Variants in CNTNAP5 observed in about 807,000 individuals in gnomAD.
CNTNAP5 encodes contactin-associated protein-like 5.
A neutral mutation model predicts 150.2 loss-of-function variants in CNTNAP5; 72 were observed. That is an observed-to-expected ratio of 0.48 (90% confidence interval 0.40 to 0.58). The LOEUF (loss-of-function observed/expected upper bound fraction) is 0.58. CNTNAP5 is among the 20% of genes least tolerant of loss of function. The pLI, the probability that CNTNAP5 is intolerant of heterozygous loss-of-function variation, is 0.00. For missense variants in CNTNAP5, 1,636 were observed against 1,626.2 expected (o/e 1.01, Z -0.10); for synonymous variants, 672 against 619.8 (o/e 1.08, Z -1.25).
intron 1 of CNTNAP5, among the ~76,000 whole-genome samples, chr2:124,135,613 C>T (rs1683957118): frequency 6.6e-6 from 1 of 152,172 alleles, no homozygotes; most frequent in African/African-American, 2.4e-5. Flanking sequence ...TACTCTGCCT[C>T]CCCTTGTGGA....
chr2:124,846,700 C>T (rs1022751684), intron 19 of CNTNAP5, among the ~76,000 whole-genome samples: 4 of 152,124 alleles, frequency 2.6e-5, no homozygotes, highest in African/African-American at 9.7e-5. Flanking sequence ...TTTGGGTAGA[C>T]TATGTCAGAG....
rs143141759 is a variant in CNTNAP5 at position 124,310,478 on chromosome 2, C to T, written c.381+68085C>T. Among the ~76,000 whole-genome samples the T allele has an allele frequency of 7.4e-4, 112 of 152,224 alleles. No individual in the cohort carries two copies. In the East Asian group the frequency reaches 0.011, roughly 16 times the overall value. On this transcript the variant is annotated intron_variant, in intron 3 of 23. Transcript: ENST00000682447. ...CGGGATTGGCTAGAATCGTAACTTC[C>T]CATTACAGTTTAATTTCCTTCCTTC...
chr2:124,415,765 G>A (rs1253964108), intron 3 of CNTNAP5, among the ~76,000 whole-genome samples: 2 of 152,156 alleles, frequency 1.3e-5, no homozygotes, highest in Non-Finnish European at 2.9e-5. Context: ...GGATGGTGGT[G>A]ATGGTTATAC....
chr2:124,674,042 A>G (rs1215338177), intron 13 of CNTNAP5, among the ~76,000 whole-genome samples: 2 of 152,164 alleles, frequency 1.3e-5, no homozygotes, highest in African/African-American at 2.4e-5. Context: ...CATTCACCAC[A>G]ATGTCCCAAA....
chr2:124,235,894 T>C (rs984901005), intron 2 of CNTNAP5, among the ~76,000 whole-genome samples: 1 of 152,126 alleles, frequency 6.6e-6, no homozygotes, highest in Non-Finnish European at 1.5e-5. Context: ...CAGGTGTTTA[T>C]CATTTTTGCA....
intron 4 of CNTNAP5, among the ~76,000 whole-genome samples, chr2:124,433,686 G>T (rs1692449713): frequency 6.6e-6 from 1 of 150,562 alleles, no homozygotes; most frequent in African/African-American, 2.4e-5. Context: ...AAAAGTTTTT[G>T]TAATTAAAAA....
At chr2:124,120,641 A>T (rs1001014915) in intron 1 of CNTNAP5, among the ~76,000 whole-genome samples, 11 of 152,216 alleles carry the variant, frequency 7.2e-5, no homozygotes, top group African/African-American at 2.7e-4. Flanking sequence ...GTAAGGACAG[A>T]ACCTCGACTG....
At chr2:124,096,890 G>A (rs1682951849) in intron 1 of CNTNAP5, among the ~76,000 whole-genome samples, 1 of 149,606 alleles carries the variant, frequency 6.7e-6, no homozygotes, top group Admixed American at 6.7e-5. Flanking sequence ...TTTTAGTAGA[G>A]ACGGGGTTTC....
At chr2:124,846,212 T>C (rs1307132749) in intron 19 of CNTNAP5, among the ~76,000 whole-genome samples, 1 of 152,128 alleles carries the variant, frequency 6.6e-6, no homozygotes, top group Non-Finnish European at 1.5e-5. Context: ...TTGTCACTAT[T>C]ATGGTTCAGT....
intron 1 of CNTNAP5, among the ~76,000 whole-genome samples, chr2:124,176,507 A>G (rs964447191): frequency 6.6e-6 from 1 of 152,216 alleles, no homozygotes; most frequent in Admixed American, 6.5e-5. Flanking sequence ...AAGGCAGATT[A>G]ATAGGAAGAA....
rs762636188 is a variant in CNTNAP5 at position 124,417,603 on chromosome 2, A to G, written c.529+13A>G. On this transcript the variant is annotated intron_variant, in intron 4 of 23. Coordinates refer to ENST00000682447, the MANE Select transcript of CNTNAP5 (RefSeq NM_001367498.1). ...GGATGTTCCTATAGTAAGTACTCAC[A>G]TGTACCCTTTACCATTGCTGAGTGT... 9.5e-5 allele frequency: 153 copies of G among 1,610,044 alleles called. No homozygotes were observed. Among genetic ancestry groups the G allele is most frequent in the Non-Finnish European group, 1.3e-4 (148 of 1,177,538 alleles).
At chr2:124,092,584 G>T (rs1045620689) in intron 1 of CNTNAP5, among the ~76,000 whole-genome samples, 2 of 152,212 alleles carry the variant, frequency 1.3e-5, no homozygotes, top group African/African-American at 4.8e-5. Flanking sequence ...AGAGAGTGGT[G>T]GAGCTGGGCT....
At chr2:124,527,569 T>A in intron 10 of CNTNAP5, 113 bp downstream of exon 10, 1 of 777,132 alleles carries the variant, frequency 1.3e-6, no homozygotes, top group Non-Finnish European at 1.9e-6. Flanking sequence ...ACATTAGACA[T>A]AATTGAGTTG....
intron 12 of CNTNAP5, among the ~76,000 whole-genome samples, chr2:124,613,476 C>G (rs1192085546): frequency 6.6e-6 from 1 of 152,224 alleles, no homozygotes; most frequent in Non-Finnish European, 1.5e-5. Flanking sequence ...GCTTCCACAG[C>G]CTTTCCTCGT....
chr2:124,183,518 T>A (rs1284339495), intron 1 of CNTNAP5, among the ~76,000 whole-genome samples: 1 of 152,216 alleles, frequency 6.6e-6, no homozygotes. Flanking sequence ...TGTATTATAT[T>A]GCACAAGGTT....
At chr2:124,608,278 G>A (rs1677299050) in intron 11 of CNTNAP5, among the ~76,000 whole-genome samples, 2 of 152,176 alleles carry the variant, frequency 1.3e-5, no homozygotes, top group South Asian at 4.1e-4. Context: ...CATTTTGTCT[G>A]AAGCATCAGA....
intron 12 of CNTNAP5, among the ~76,000 whole-genome samples, chr2:124,629,518 A>G (rs1454350599): frequency 6.6e-6 from 1 of 152,210 alleles, no homozygotes; most frequent in Non-Finnish European, 1.5e-5. Flanking sequence ...ACCAATGAGA[A>G]CAAAGAGACA....
chr2:124,108,816 C>T (rs1352203406), intron 1 of CNTNAP5, among the ~76,000 whole-genome samples: 1 of 152,134 alleles, frequency 6.6e-6, no homozygotes, highest in East Asian at 1.9e-4. Context: ...ATTTCAGAAA[C>T]CAGAAAGTGA....
At chr2:124,127,040 C>G (rs4257406) in intron 1 of CNTNAP5, among the ~76,000 whole-genome samples, 147,641 of 152,230 alleles carry the variant, frequency 0.97, 71,750 homozygotes, top group East Asian at 1. Flanking sequence ...ATTCAACATA[C>G]TGTTGGAAGT....
Sources: allele counts gnomAD v4.1 joint callset (sites outside exome capture counted in the v4.1 genomes callset), GRCh38; gene constraint gnomAD v4.1.1; transcripts MANE v1.5; gene names NCBI Gene and HGNC (gene_info 2026-07-23, HGNC 2026-07-21).